ASNS: variants seen among roughly 807,000 people sequenced by gnomAD.
ASNS encodes asparagine synthetase (glutamine-hydrolyzing), also known as asparagine synthetase [glutamine-hydrolyzing].
In ASNS, 37 loss-of-function variants were observed where a neutral mutation model predicts 62.6. That is an observed-to-expected ratio of 0.59 (90% confidence interval 0.45 to 0.78). ASNS has a LOEUF of 0.78. Among genes scored for constraint, ASNS ranks in the 30% least tolerant of loss-of-function variants. ASNS has a pLI of 0.00. For synonymous variants in ASNS, 207 were observed against 237.9 expected, an observed-to-expected ratio of 0.87 and a Z score of 1.19; for missense variants, 520 against 682.4, an observed-to-expected ratio of 0.76 and a Z score of 2.65.
intron 2 of ASNS, 72 bp from the exon 3 acceptor site, chr7:97,869,251 G>A (rs113829806): frequency 4.5e-5 from 68 of 1,511,672 alleles, no homozygotes; most frequent in East Asian, 1.9e-4. Flanking sequence ...TCTTGATTCC[G>A]GAAACGTGCA....
At chr7:97,885,576 C>T in the ASNS span, among the ~76,000 whole-genome samples, 1 of 152,224 alleles carries the variant, frequency 6.6e-6, no homozygotes, top group Non-Finnish European at 1.5e-5. Flanking sequence ...TGACCTGGGT[C>T]ACCCTCAACT....
At chr7:97,887,804 T>C in the ASNS span, among the ~76,000 whole-genome samples, 2 of 152,190 alleles carry the variant, frequency 1.3e-5, no homozygotes, top group South Asian at 4.1e-4. Context: ...GATACAAGGG[T>C]CACCATCCTT....
At chr7:97,876,429 A>ATT (rs56382958), upstream of ASNS, among the ~76,000 whole-genome samples, 36,664 of 137,086 alleles carry the variant, frequency 0.27, 5,371 homozygotes, top group East Asian at 0.43. Context: ...ACTCAAACAT[A>ATT]TTTTTTTTTT....
the ASNS span, among the ~76,000 whole-genome samples, chr7:97,890,286 AT>A: frequency 6.6e-6 from 1 of 152,196 alleles, no homozygotes; most frequent in African/African-American, 2.4e-5. Context: ...ATTTAATAAA[AT>A]AATAACTGAA....
At chr7:97,900,776 G>A in the ASNS span, among the ~76,000 whole-genome samples, 2 of 151,976 alleles carry the variant, frequency 1.3e-5, no homozygotes, top group Non-Finnish European at 2.9e-5. Context: ...GGTGAGCCAC[G>A]GTAAGACTGA....
chr7:97,869,417 C>T (rs1792144933), intron 2 of ASNS, among the ~76,000 whole-genome samples: 1 of 152,216 alleles, frequency 6.6e-6, no homozygotes, highest in Non-Finnish European at 1.5e-5. Flanking sequence ...CAGCTTAGCA[C>T]CTAGCCAAAG....
the ASNS span, among the ~76,000 whole-genome samples, chr7:97,900,371 A>C: frequency 6.6e-6 from 1 of 150,808 alleles, no homozygotes; most frequent in Admixed American, 6.6e-5. Context: ...AAAAAAAAAA[A>C]AAAAAAAAAA....
At chr7:97,920,385 T>C in the ASNS span, among the ~76,000 whole-genome samples, 11,419 of 150,708 alleles carry the variant, frequency 0.076, 899 homozygotes, top group African/African-American at 0.2. Flanking sequence ...TCCAGAGCTG[T>C]ACTCTCAAAC....
intron 7 of ASNS, among the ~76,000 whole-genome samples, 153 bp from the exon 8 acceptor site, chr7:97,856,969 A>G (rs1206941024): frequency 6.6e-6 from 1 of 152,194 alleles, no homozygotes; most frequent in Non-Finnish European, 1.5e-5. Context: ...CCCACCACAT[A>G]CAAGCCCCAT....
At chr7:97,912,741 C>T in the ASNS span, among the ~76,000 whole-genome samples, 1 of 151,518 alleles carries the variant, frequency 6.6e-6, no homozygotes, top group Admixed American at 6.6e-5. Context: ...CGCCACCACA[C>T]CTGGCTAATT....
At chr7:97,872,299 G>A (rs1164824662) in intron 1 of ASNS, 52 bp downstream of exon 1, 1 of 136,516 alleles carries the variant, frequency 7.3e-6, no homozygotes, top group African/African-American at 2.9e-5. Flanking sequence ...CAGGGCACGC[G>A]AGGAGGATGC....
intron 6 of ASNS, 45 bp downstream of exon 6, chr7:97,858,809 T>A (rs774539538): frequency 6.6e-7 from 1 of 1,525,350 alleles, no homozygotes; most frequent in Non-Finnish European, 9.0e-7. Context: ...ATCATTTCAA[T>A]TAAACACACA....
chr7:97,891,167 A>G, the ASNS span, among the ~76,000 whole-genome samples: 4 of 152,262 alleles, frequency 2.6e-5, no homozygotes, highest in African/African-American at 7.2e-5. Context: ...GAAGCAAGTC[A>G]TGTCTCACAT....
At chr7:97,858,257 G>A in intron 7 of ASNS, 21 bp downstream of exon 7, 1 of 1,611,486 alleles carries the variant, frequency 6.2e-7, no homozygotes, top group Non-Finnish European at 8.5e-7. Context: ...CACTACACAA[G>A]GGACAGAGAC....
At chr7:97,925,841 T>C in the ASNS span, among the ~76,000 whole-genome samples, 1 of 152,092 alleles carries the variant, frequency 6.6e-6, no homozygotes, top group Admixed American at 6.6e-5. Flanking sequence ...GAGCAAATGG[T>C]TGAGGTTGAT....
chr7:97,862,995 G>A (rs1393852741), intron 4 of ASNS: 1 of 152,142 alleles, frequency 6.6e-6, no homozygotes, highest in Non-Finnish European at 1.5e-5. Context: ...GTCACACACT[G>A]TTTGTGAAGA....
At chr7:97,912,801 C>T in the ASNS span, among the ~76,000 whole-genome samples, 2 of 150,826 alleles carry the variant, frequency 1.3e-5, no homozygotes, top group Admixed American at 6.6e-5. Context: ...AGGCTGGTAT[C>T]AAACTCCTGG....
chr7:97,871,274 T>C (rs180823309), intron 1 of ASNS, among the ~76,000 whole-genome samples: 50 of 152,330 alleles, frequency 3.3e-4, no homozygotes, highest in Non-Finnish European at 6.2e-4. Flanking sequence ...CAGTTAGGAC[T>C]AGCCAGCACT....
intron 7 of ASNS, 123 bp downstream of exon 7, chr7:97,858,155 A>C: frequency 7.7e-7 from 1 of 1,292,196 alleles, no homozygotes; most frequent in Non-Finnish European, 1.1e-6. Flanking sequence ...TAATACAATC[A>C]ATTTAAAACA....
Sources: allele counts gnomAD v4.1 joint callset (sites outside exome capture counted in the v4.1 genomes callset), GRCh38; gene constraint gnomAD v4.1.1; transcripts MANE v1.5; gene names NCBI Gene and HGNC (gene_info 2026-07-23, HGNC 2026-07-21).